EFCAB7: variants seen among roughly 807,000 people sequenced by gnomAD.
The protein encoded by EFCAB7 is EF-hand calcium-binding domain-containing protein 7.
A neutral mutation model predicts 77.1 loss-of-function variants in EFCAB7; 66 were observed. The ratio of observed to expected loss-of-function variants is 0.86; its 90% CI spans 0.70 to 1.05. The LOEUF is 1.05. Among genes scored for constraint, EFCAB7 ranks in the 50% least tolerant of loss-of-function variants. The pLI is 0.00. For synonymous variants in EFCAB7, 225 were observed against 243.3 expected (o/e 0.92, Z 0.70); for missense variants, 638 against 730.5 (o/e 0.87, Z 1.46).
chr1:63,572,444 T>C lies in EFCAB7; in HGVS notation c.1818T>C (p.Val606=), dbSNP rs1006696213. 14 of 1,577,530 alleles carry C rather than the reference T, an allele frequency of 8.9e-6. No homozygotes were observed. Among genetic ancestry groups the C allele is most frequent in the African/African-American group, 1.4e-5 (1 of 72,500 alleles). The change falls in exon 14 of 14, where the codon GTT becomes GTC. Residue 606 remains valine, a splice_region_variant and synonymous_variant. Transcript: ENST00000371088. The part of the protein sequence containing the change: ...AVEVGPKSTM[V]CQHVMPLNER... The stretch of plus-strand genomic sequence containing the variant: ...AAGCTTTCTATTTTTATGTGCAGGT[T>C]TGTCAACATGTAATGCCTTTGAATG...
chr1:63,544,785 T>G (rs186546424), intron 6 of EFCAB7, among the ~76,000 whole-genome samples: 1 of 152,354 alleles, frequency 6.6e-6, no homozygotes, highest in East Asian at 1.9e-4. Context: ...ACATTTAAAG[T>G]CATTTTTTCT....
rs538530585 is a variant in EFCAB7 at position 63,551,747 on chromosome 1, C to T, written c.969C>T (p.Ser323=). Residue 323 remains serine, a synonymous_variant, in exon 8 of 14, where the codon TCC becomes TCT. Coordinates refer to ENST00000371088, the MANE Select transcript of EFCAB7 (RefSeq NM_032437.4). ...QVEGKPSPWL[S]VDTALYILKE... is the part of the protein sequence containing the mutation. ...TAGGAAAACCATCCCCTTGGTTATC[C>T]GTTGATACTGCCTTGTATATTCTCA... 3.2e-5 allele frequency: 49 copies of T among 1,549,564 alleles called. No individual in the cohort carries two copies. Among genetic ancestry groups the T allele is most frequent in the South Asian group, 1.2e-4 (9 of 76,108 alleles).
At chr1:63,532,902 T>G (rs1366577699) in intron 4 of EFCAB7, 146 bp downstream of exon 4, 1 of 601,624 alleles carries the variant, frequency 1.7e-6, no homozygotes, top group African/African-American at 2.0e-5. Context: ...ATTAAATCAG[T>G]TAACATGTCA....
At chr1:63,523,848 G>A (rs1646524981) in intron 1 of EFCAB7, among the ~76,000 whole-genome samples, 1 of 152,190 alleles carries the variant, frequency 6.6e-6, no homozygotes. Flanking sequence ...TCACTGTGTA[G>A]GGACGGTGAC....
chr1:63,580,700 C>T, the EFCAB7 span, among the ~76,000 whole-genome samples: 1 of 152,102 alleles, frequency 6.6e-6, no homozygotes, highest in East Asian at 1.9e-4. Context: ...TTGACTCTTC[C>T]AATTCATGAA....
At chr1:63,576,388 G>T (rs141490219), downstream of EFCAB7, among the ~76,000 whole-genome samples, 1 of 152,164 alleles carries the variant, frequency 6.6e-6, no homozygotes, top group Non-Finnish European at 1.5e-5. Flanking sequence ...ACTGAGGCAG[G>T]AGAATCGCTT....
At chr1:63,559,713 C>T (rs1432788993) in intron 10 of EFCAB7, among the ~76,000 whole-genome samples, 6 of 152,110 alleles carry the variant, frequency 3.9e-5, no homozygotes, top group African/African-American at 9.7e-5. Context: ...TTGTCTTGTA[C>T]AGTTCTATGG....
intron 10 of EFCAB7, among the ~76,000 whole-genome samples, chr1:63,561,503 A>T (rs1647100074): frequency 6.6e-6 from 1 of 152,186 alleles, no homozygotes; most frequent in Non-Finnish European, 1.5e-5. Context: ...ATTGTGTACT[A>T]CGATATATCT....
At chr1:63,524,826 G>T (rs755209430) in intron 1 of EFCAB7, among the ~76,000 whole-genome samples, 2 of 152,078 alleles carry the variant, frequency 1.3e-5, no homozygotes, top group African/African-American at 4.8e-5. Context: ...ATACCTGACC[G>T]CTGTAATAGG....
At chr1:63,546,369 C>CTT (rs937175159) in intron 7 of EFCAB7, among the ~76,000 whole-genome samples, 1 of 146,134 alleles carries the variant, frequency 6.8e-6, no homozygotes, top group Non-Finnish European at 1.5e-5. Flanking sequence ...ATAGAACTAA[C>CTT]TTTTTTTTTT....
chr1:63,553,684 G>T (rs1646993714), intron 8 of EFCAB7, among the ~76,000 whole-genome samples: 1 of 152,130 alleles, frequency 6.6e-6, no homozygotes, highest in Admixed American at 6.5e-5. Context: ...ATTTCTTCTT[G>T]TATCAAAATA....
At chr1:63,570,144 A>G (rs961334253) in intron 12 of EFCAB7, 2 of 152,262 alleles carry the variant, frequency 1.3e-5, no homozygotes, top group African/African-American at 4.8e-5. Flanking sequence ...CAGAGCAGTT[A>G]AATAACTTGC....
chr1:63,532,906 CAT>C, intron 4 of EFCAB7, 150 bp downstream of exon 4: 1 of 585,780 alleles, frequency 1.7e-6, no homozygotes, highest in Non-Finnish European at 2.9e-6. Context: ...AATCAGTTAA[CAT>C]GTCAACTAAT....
intron 6 of EFCAB7, among the ~76,000 whole-genome samples, chr1:63,536,149 A>C (rs1366952081): frequency 2.6e-5 from 4 of 152,234 alleles, no homozygotes; most frequent in African/African-American, 9.6e-5. Context: ...AGAAAAGGGC[A>C]TACTGTCAAC....
intron 6 of EFCAB7, among the ~76,000 whole-genome samples, chr1:63,537,314 C>G (rs1018589040): frequency 6.6e-6 from 1 of 152,104 alleles, no homozygotes; most frequent in African/African-American, 2.4e-5. Context: ...TCCAGAGATG[C>G]AATACTTCCT....
Position 63,572,548 on chromosome 1 carries a change from A to G in EFCAB7, c.*32A>G, listed in dbSNP as rs1647296060. ...ATACTTAGAACTTACCAAACTAAGAATTATTTCAGATTTAGTCTGTTATTT... is the reference window on the plus strand; with the variant it reads ...ATACTTAGAACTTACCAAACTAAGAGTTATTTCAGATTTAGTCTGTTATTT... On this transcript the variant is annotated 3_prime_UTR_variant, in exon 14 of 14. Coordinates refer to ENST00000371088, the MANE Select transcript of EFCAB7 (RefSeq NM_032437.4). 1 of 1,364,820 alleles carries G rather than the reference A, an allele frequency of 7.3e-7. No homozygotes were observed. The highest frequency in any genetic ancestry group is 2.6e-5 in the Admixed American group (1 of 38,928). The allele number at this position is 1,364,820 out of a possible 1,614,324, so 84.5% of individuals were successfully genotyped here.
At chr1:63,528,234 G>C (rs10889428) in intron 2 of EFCAB7, among the ~76,000 whole-genome samples, 2,970 of 152,232 alleles carry the variant, frequency 0.02, 91 homozygotes, top group African/African-American at 0.068. Flanking sequence ...ACACAGTGGA[G>C]TACCATTCAG....
At chr1:63,534,707 T>C (rs912163088) in intron 6 of EFCAB7, among the ~76,000 whole-genome samples, 2 of 152,102 alleles carry the variant, frequency 1.3e-5, no homozygotes, top group Non-Finnish European at 1.5e-5. Context: ...AAACATTAAC[T>C]GGAAACTGCT....
intron 12 of EFCAB7, chr1:63,569,671 C>G (rs1380126395): frequency 6.6e-6 from 1 of 152,140 alleles, no homozygotes; most frequent in African/African-American, 2.4e-5. Flanking sequence ...CAATAGACAG[C>G]TTTATTTGGA....
Sources: allele counts gnomAD v4.1 joint callset (sites outside exome capture counted in the v4.1 genomes callset), GRCh38; gene constraint gnomAD v4.1.1; transcripts MANE v1.5; gene names NCBI Gene and HGNC (gene_info 2026-07-23, HGNC 2026-07-21).